Variants in HPSE2 observed in about 807,000 individuals in gnomAD.
HPSE2 encodes the protein inactive heparanase-2.
In HPSE2, 38 loss-of-function variants were observed where a neutral mutation model predicts 60.5. The observed-to-expected ratio is 0.63, with a 90% CI of 0.48 to 0.82. The LOEUF (loss-of-function observed/expected upper bound fraction) is 0.82. Ranked by LOEUF, HPSE2 falls within the 40% of genes least tolerant of loss-of-function variation. The pLI is 0.00. For synonymous variants in HPSE2, 295 were observed against 293.2 expected (o/e 1.01, Z -0.06); for missense variants, 713 against 740.4 (o/e 0.96, Z 0.43).
intron 3 of HPSE2, among the ~76,000 whole-genome samples, chr10:98,982,230 G>A (rs754851574): frequency 6.6e-6 from 1 of 152,040 alleles, no homozygotes; most frequent in African/African-American, 2.4e-5. Flanking sequence ...AACTGCTATG[G>A]AATTTACCCA....
intron 3 of HPSE2, among the ~76,000 whole-genome samples, chr10:99,117,417 GAAAAAAAAAAAAAAAAAAA>G (rs1157232317): frequency 4.0e-5 from 1 of 24,802 alleles, no homozygotes; most frequent in Non-Finnish European, 5.9e-5. Flanking sequence ...TTGTTTTTTT[GAAAAAAAAAAAAAAAAAAA>G]AAAAAAAAAA....
chr10:99,309,117 C>T, the HPSE2 span, among the ~76,000 whole-genome samples: 1 of 151,952 alleles, frequency 6.6e-6, no homozygotes. Context: ...TATGAAATGT[C>T]CTGAATTAGA....
chr10:98,824,627 G>A (rs541325194), intron 3 of HPSE2, among the ~76,000 whole-genome samples: 7 of 152,298 alleles, frequency 4.6e-5, no homozygotes, highest in African/African-American at 1.7e-4. Flanking sequence ...ATAACCTGGA[G>A]AAAGATTTAG....
chr10:99,197,492 CAACT>C (rs1848440845), intron 2 of HPSE2, among the ~76,000 whole-genome samples: 1 of 151,878 alleles, frequency 6.6e-6, no homozygotes, highest in Admixed American at 6.6e-5. Context: ...ATATATATAC[CAACT>C]ATGTACACAA....
At chr10:98,980,597 T>C (rs1462203402) in intron 3 of HPSE2, among the ~76,000 whole-genome samples, 1 of 152,164 alleles carries the variant, frequency 6.6e-6, no homozygotes, top group Non-Finnish European at 1.5e-5. Flanking sequence ...GTCAGCAGTG[T>C]ATGAGTGATT....
At chr10:99,313,480 A>T in the HPSE2 span, among the ~76,000 whole-genome samples, 1 of 152,128 alleles carries the variant, frequency 6.6e-6, no homozygotes, top group Admixed American at 6.5e-5. Flanking sequence ...TTGAGATGAA[A>T]TCTACTCCTG....
At chr10:99,278,162 A>C in the HPSE2 span, among the ~76,000 whole-genome samples, 1 of 151,966 alleles carries the variant, frequency 6.6e-6, no homozygotes, top group Non-Finnish European at 1.5e-5. Context: ...GACTCTTCAC[A>C]ATATTTTGAT....
chr10:99,016,065 G>T (rs2135413907), intron 3 of HPSE2, among the ~76,000 whole-genome samples: 1 of 152,198 alleles, frequency 6.6e-6, no homozygotes, highest in South Asian at 2.1e-4. Flanking sequence ...GTCAATTTTT[G>T]CTTTAGTTGC....
intron 11 of HPSE2, among the ~76,000 whole-genome samples, chr10:98,477,764 T>G (rs1333535507): frequency 1.3e-5 from 2 of 152,170 alleles, no homozygotes; most frequent in Admixed American, 1.3e-4. Flanking sequence ...CCCTAACCCC[T>G]GGGCCATGGA....
intron 6 of HPSE2, among the ~76,000 whole-genome samples, chr10:98,671,577 T>G (rs1162241552): frequency 6.6e-6 from 1 of 152,188 alleles, no homozygotes; most frequent in Non-Finnish European, 1.5e-5. Context: ...ATAATAGTGT[T>G]GCATTCAGTT....
intron 9 of HPSE2, among the ~76,000 whole-genome samples, chr10:98,507,675 T>C (rs1382865231): frequency 6.6e-6 from 1 of 152,136 alleles, no homozygotes; most frequent in Non-Finnish European, 1.5e-5. Flanking sequence ...CCCCTCTCTA[T>C]CCTTATCATG....
chr10:98,634,500 G>T (rs897151530), intron 7 of HPSE2, among the ~76,000 whole-genome samples: 2 of 150,464 alleles, frequency 1.3e-5, no homozygotes, highest in African/African-American at 4.9e-5. Context: ...TTATTCTATG[G>T]TGCTCAAGAA....
chr10:99,128,745 A>G (rs1424242377), intron 3 of HPSE2, among the ~76,000 whole-genome samples: 1 of 152,146 alleles, frequency 6.6e-6, no homozygotes, highest in Non-Finnish European at 1.5e-5. Context: ...CTTAATACCT[A>G]GGTGATGGGT....
intron 3 of HPSE2, among the ~76,000 whole-genome samples, chr10:98,958,994 T>A (rs2135223808): frequency 6.6e-6 from 1 of 152,036 alleles, no homozygotes; most frequent in East Asian, 1.9e-4. Context: ...GGGAAAAATA[T>A]CTATTTTAAA....
At chr10:98,729,674 G>T (rs1949181180) in intron 4 of HPSE2, among the ~76,000 whole-genome samples, 1 of 151,456 alleles carries the variant, frequency 6.6e-6, no homozygotes, top group Non-Finnish European at 1.5e-5. Flanking sequence ...CCATAAGAGA[G>T]CAGAAATAAC....
intron 3 of HPSE2, among the ~76,000 whole-genome samples, chr10:98,913,250 T>A (rs1954029590): frequency 6.6e-6 from 1 of 152,176 alleles, no homozygotes; most frequent in African/African-American, 2.4e-5. Flanking sequence ...CTCCATATAC[T>A]TGTAGTGAAA....
intron 3 of HPSE2, among the ~76,000 whole-genome samples, chr10:99,143,440 T>C (rs1311637318): frequency 6.6e-6 from 1 of 152,214 alleles, no homozygotes; most frequent in East Asian, 1.9e-4. Flanking sequence ...TTTTATTTTT[T>C]TAATATTCAT....
At chr10:99,283,078 G>A in the HPSE2 span, among the ~76,000 whole-genome samples, 1 of 151,714 alleles carries the variant, frequency 6.6e-6, no homozygotes, top group Non-Finnish European at 1.5e-5. Flanking sequence ...CCCAGCTACT[G>A]GGGAGTCTGA....
intron 3 of HPSE2, among the ~76,000 whole-genome samples, chr10:99,087,814 G>A (rs1018116535): frequency 1.8e-4 from 28 of 151,876 alleles, no homozygotes; most frequent in African/African-American, 6.1e-4. Context: ...TTTATTTCAC[G>A]GTCTAAATAT....
Sources: gnomAD v4.1 joint callset for allele counts (sites outside exome capture counted in the v4.1 genomes callset) on GRCh38, gnomAD v4.1.1 for gene constraint, MANE v1.5 for transcripts, NCBI Gene and HGNC (gene_info 2026-07-23, HGNC 2026-07-21) for gene names.